Variants in ERO1B observed in about 807,000 individuals in gnomAD.
The protein encoded by ERO1B is ERO1-like protein beta.
In ERO1B, 49 loss-of-function variants were observed where a neutral mutation model predicts 75.3. That is an observed-to-expected ratio of 0.65 (90% CI 0.52 to 0.83). ERO1B has a LOEUF of 0.83. ERO1B is among the 40% of genes least tolerant of loss of function. The pLI, the probability that ERO1B is intolerant of heterozygous loss-of-function variation, is 0.00. For synonymous variants in ERO1B, 191 were observed against 192.9 expected (o/e 0.99, Z 0.08); for missense variants, 512 against 560.1 (o/e 0.91, Z 0.87).
chr1:236,244,051 T>C (rs995010430), intron 5 of ERO1B, among the ~76,000 whole-genome samples: 2 of 152,148 alleles, frequency 1.3e-5, no homozygotes, highest in Admixed American at 6.5e-5. Context: ...ATGATCAAGA[T>C]TTCTAACTTG....
intron 1 of ERO1B, among the ~76,000 whole-genome samples, chr1:236,276,991 C>A (rs1459496602): frequency 6.6e-6 from 1 of 152,198 alleles, no homozygotes; most frequent in Admixed American, 6.5e-5. Flanking sequence ...GTGTGCAGCA[C>A]TTCCCCGATT....
intron 6 of ERO1B, among the ~76,000 whole-genome samples, chr1:236,242,367 T>C (rs1003975844): frequency 3.3e-5 from 5 of 150,068 alleles, no homozygotes; most frequent in African/African-American, 1.2e-4. Flanking sequence ...TTCAATGGCT[T>C]GCTTTGATAA....
intron 2 of ERO1B, among the ~76,000 whole-genome samples, chr1:236,263,524 C>T (rs139192040): frequency 6.6e-5 from 10 of 152,212 alleles, no homozygotes; most frequent in African/African-American, 2.4e-4. Flanking sequence ...GCTTGGATTA[C>T]AGGTGTGATC....
rs779707991 is a variant in ERO1B, at chr1:236,253,489, G to C, written c.239C>G (p.Pro80Arg). ...FRYYKVNLKR[P>R]CPFWAEDGHC... ...GCCATCTTCTGCCCAGAAAGGACAA[G>C]GTCGCTTCAGATTAACCTTGAAAGA... is the stretch of plus-strand genomic sequence containing the variant. Residue 80 changes from proline (P) to arginine (R), a missense_variant, in exon 3 of 16, where the codon CCT becomes CGT. By Grantham distance (103) the Pro-to-Arg change is moderately radical. Transcript: ENST00000354619. The C allele has an allele frequency of 6.2e-7, 1 of 1,608,040 alleles. No individual in the cohort carries two copies. The highest frequency in any genetic ancestry group is 2.2e-5 in the East Asian group (1 of 44,830).
At chr1:236,247,347 T>C (rs537946429) in intron 5 of ERO1B, among the ~76,000 whole-genome samples, 94 of 152,298 alleles carry the variant, frequency 6.2e-4, no homozygotes, top group Non-Finnish European at 1.1e-3. Flanking sequence ...GGTCAGTAAA[T>C]GGCAACTCCA....
intron 6 of ERO1B, among the ~76,000 whole-genome samples, chr1:236,239,446 C>T (rs1289187984): frequency 6.6e-6 from 1 of 152,108 alleles, no homozygotes; most frequent in Admixed American, 6.6e-5. Context: ...AGCTTACCAA[C>T]CTCTGCTCTA....
Position 236,221,964 on chromosome 1 carries a change from C to T in ERO1B, c.1169G>A (p.Cys390Tyr), listed in dbSNP as rs750976190. 4 of 1,613,764 alleles carry T rather than the reference C, an allele frequency of 2.5e-6. No homozygotes were observed. Among genetic ancestry groups the T allele is most frequent in the Non-Finnish European group, 3.4e-6 (4 of 1,179,782 alleles). Reference sequence around the variant, plus strand: ...TAATCTGCATTTGTCACATCCAACACAGTCCATTATACGGGAGATATTCTT... The same window carrying T: ...TAATCTGCATTTGTCACATCCAACATAGTCCATTATACGGGAGATATTCTT... Reference protein sequence around the residue: ...HFKNISRIMDCVGCDKCRLWG... With the variant: ...HFKNISRIMDYVGCDKCRLWG... The change falls in exon 14 of 16, where the codon TGT becomes TAT. Residue 390 changes from cysteine to tyrosine, a missense_variant. Cys to Tyr is a radical substitution (Grantham distance 194, BLOSUM62 -2). Coordinates refer to ENST00000354619, the MANE Select transcript of ERO1B (RefSeq NM_019891.4).
chr1:236,239,873 G>GTATATATGTATA (rs1572042451), intron 6 of ERO1B, among the ~76,000 whole-genome samples: 2 of 78,558 alleles, frequency 2.5e-5, no homozygotes, highest in Non-Finnish European at 4.9e-5. Flanking sequence ...ATATATATGT[G>GTATATATGTATA]TATATGTGTG....
chr1:236,225,422 A>G (rs1365841822), intron 12 of ERO1B, among the ~76,000 whole-genome samples: 1 of 152,256 alleles, frequency 6.6e-6, no homozygotes, highest in Admixed American at 6.5e-5. Flanking sequence ...TATGTAAAAA[A>G]TAGGCAATAT....
intron 1 of ERO1B, among the ~76,000 whole-genome samples, chr1:236,281,123 T>G (rs977737539): frequency 1.3e-5 from 2 of 152,020 alleles, no homozygotes; most frequent in African/African-American, 4.8e-5. Flanking sequence ...TGGGTAAAAA[T>G]AAAGCAATCT....
At chr1:236,226,855 G>A in intron 10 of ERO1B, 116 bp from the exon 11 acceptor site, 2 of 736,514 alleles carry the variant, frequency 2.7e-6, no homozygotes, top group Non-Finnish European at 4.5e-6. Context: ...AATAAATCAA[G>A]GAATAATATA....
chr1:236,233,253 G>A (rs1188088693), intron 8 of ERO1B, among the ~76,000 whole-genome samples: 1 of 150,738 alleles, frequency 6.6e-6, no homozygotes, highest in Non-Finnish European at 1.5e-5. Context: ...AGGTTTCAGT[G>A]AGCCAAGATC....
At chr1:236,219,709 G>C (rs2102936411) in intron 15 of ERO1B, among the ~76,000 whole-genome samples, 2 of 152,178 alleles carry the variant, frequency 1.3e-5, no homozygotes, top group East Asian at 3.9e-4. Context: ...GGAAGCAACA[G>C]CTGAAATCCT....
intron 8 of ERO1B, among the ~76,000 whole-genome samples, chr1:236,233,699 A>G (rs957482169): frequency 6.6e-6 from 1 of 152,240 alleles, no homozygotes; most frequent in Non-Finnish European, 1.5e-5. Flanking sequence ...ATTAATTACT[A>G]CATAAAGTTG....
At chr1:236,225,942 AG>A (rs1368982157) in intron 12 of ERO1B, among the ~76,000 whole-genome samples, 2 of 152,180 alleles carry the variant, frequency 1.3e-5, no homozygotes, top group African/African-American at 4.8e-5. Context: ...CTCAAAAATA[AG>A]TAAGTAAATA....
At chr1:236,263,505 T>C (rs1665340050) in intron 2 of ERO1B, among the ~76,000 whole-genome samples, 1 of 151,980 alleles carries the variant, frequency 6.6e-6, no homozygotes, top group Admixed American at 6.6e-5. Context: ...CCACCTCAGC[T>C]CCCAAAGTGC....
At chr1:236,280,815 G>A (rs573404671) in intron 1 of ERO1B, among the ~76,000 whole-genome samples, 1 of 152,228 alleles carries the variant, frequency 6.6e-6, no homozygotes, top group South Asian at 2.1e-4. Flanking sequence ...TTGGCCCTCA[G>A]CAGTGCTGCC....
At chr1:236,242,516 T>C (rs1229669808) in intron 6 of ERO1B, among the ~76,000 whole-genome samples, 1 of 152,182 alleles carries the variant, frequency 6.6e-6, no homozygotes, top group Non-Finnish European at 1.5e-5. Flanking sequence ...CCCAGTATTA[T>C]TCTCAGTTTA....
At chr1:236,223,712 T>A (rs898461367) in intron 13 of ERO1B, among the ~76,000 whole-genome samples, 1 of 152,194 alleles carries the variant, frequency 6.6e-6, no homozygotes, top group African/African-American at 2.4e-5. Flanking sequence ...AAAACATACA[T>A]AATTATAGTT....
Sources: gnomAD v4.1 joint callset for allele counts (sites outside exome capture counted in the v4.1 genomes callset) on GRCh38, gnomAD v4.1.1 for gene constraint, MANE v1.5 for transcripts, NCBI Gene and HGNC (gene_info 2026-07-23, HGNC 2026-07-21) for gene names.